ZNF671: variants seen among roughly 807,000 people sequenced by gnomAD.
ZNF671 encodes the protein hypothetical protein FLJ23506.
ZNF671 carries 19 observed loss-of-function variants against 16.6 expected under a neutral mutation model. That is an observed-to-expected ratio of 1.14 (90% CI 0.80 to 1.68). The LOEUF (loss-of-function observed/expected upper bound fraction) is 1.68, where lower values mean the gene tolerates loss of function less well. ZNF671 is among the 40% of genes most tolerant of loss of function. The pLI is 0.00. For synonymous variants in ZNF671, 238 were observed against 236.3 expected, an observed-to-expected ratio of 1.01 and a Z score of -0.06; for missense variants, 637 against 659.8, an observed-to-expected ratio of 0.97 and a Z score of 0.38.
At chr19:57,723,378 C>G in intron 1 of ZNF671, 38 bp from the exon 2 acceptor site, 1 of 1,570,980 alleles carries the variant, frequency 6.4e-7, no homozygotes, top group Non-Finnish European at 8.6e-7. Context: ...TAAAAAGTCT[C>G]TTGACCAATG....
At position 57,721,412 on chromosome 19, in the gene ZNF671, C is replaced by T; in HGVS notation, c.674G>A (p.Gly225Asp). Residue 225 changes from glycine (G) to aspartate (D), a missense_variant, in exon 4 of 4, where the codon GGC becomes GAC. By Grantham distance (94) the Gly-to-Asp change is moderately conservative. Transcript: ENST00000317398. ...TCTGCAGCTTTTCACAGAGTCTCTG[C>T]CCTCCTTCCTTGGGAAAAGTTTCCC... Reference protein sequence around the residue: ...NGGKLFPRKEGRDSVKSCRVH... With the variant: ...NGGKLFPRKEDRDSVKSCRVH... 6.2e-7 allele frequency: 1 copy of T among 1,614,208 alleles called. No homozygotes were observed. The highest frequency in any genetic ancestry group is 1.3e-5 in the African/African-American group (1 of 75,054).
At chr19:57,723,826 C>T (rs1017210192) in intron 1 of ZNF671, among the ~76,000 whole-genome samples, 2 of 144,128 alleles carry the variant, frequency 1.4e-5, no homozygotes, top group East Asian at 2.0e-4. Context: ...GTCAAGAGAG[C>T]GAGACTATCC....
At chr19:57,723,169 T>C (rs373315831) in intron 2 of ZNF671, 45 bp downstream of exon 2, 2 of 1,562,246 alleles carry the variant, frequency 1.3e-6, no homozygotes, top group African/African-American at 1.4e-5. Context: ...GATCCCACCA[T>C]AGGAAGAACA....
intron 1 of ZNF671, among the ~76,000 whole-genome samples, chr19:57,725,369 CAA>C (rs1029156993): frequency 2.6e-5 from 4 of 151,830 alleles, no homozygotes; most frequent in African/African-American, 7.3e-5. Context: ...AGGAGGCAGA[CAA>C]GAGAATTGCT....
At chr19:57,722,244 T>A in intron 3 of ZNF671, 72 bp downstream of exon 3, 1 of 1,585,198 alleles carries the variant, frequency 6.3e-7, no homozygotes, top group Non-Finnish European at 8.6e-7. Context: ...AAACAAACAC[T>A]GATGTGAACA....
At chr19:57,727,204 G>T (rs1216027825) in intron 1 of ZNF671, 187 bp downstream of exon 1, 3 of 698,954 alleles carry the variant, frequency 4.3e-6, no homozygotes, top group African/African-American at 1.8e-5. Flanking sequence ...ATGTTTGGGG[G>T]TCAGCAGCAC....
Position 57,726,406 on chromosome 19 carries a change from G to A in ZNF671, c.138+985C>T, listed in dbSNP as rs373293092. Among the ~76,000 whole-genome samples the A allele has an allele frequency of 7.9e-5, 12 of 151,866 alleles. No individual in the cohort carries two copies. The East Asian group carries it at 1.5e-3, about 20-fold the overall frequency. On this transcript the variant is annotated intron_variant, in intron 1 of 3. Coordinates refer to ENST00000317398, the MANE Select transcript of ZNF671 (RefSeq NM_024833.3). ...TAGTAGCAATAGCACACCACCCATCGTTGCCATCCCAGGCCAAACTCCTCA... is the reference window on the plus strand; with the variant it reads ...TAGTAGCAATAGCACACCACCCATCATTGCCATCCCAGGCCAAACTCCTCA...
intron 3 of ZNF671, 193 bp from the exon 4 acceptor site, chr19:57,721,890 ATG>A: frequency 1.4e-6 from 1 of 733,280 alleles, no homozygotes. Context: ...GGGAGTGCCA[ATG>A]AAGGGCCAGG....
chr19:57,725,594 C>T (rs912328784), intron 1 of ZNF671, among the ~76,000 whole-genome samples: 2 of 151,990 alleles, frequency 1.3e-5, no homozygotes, highest in African/African-American at 2.4e-5. Context: ...CGCCACTGCA[C>T]TCCAGCCTGG....
chr19:57,723,723 C>T (rs934120085), intron 1 of ZNF671, among the ~76,000 whole-genome samples: 1 of 151,950 alleles, frequency 6.6e-6, no homozygotes, highest in Non-Finnish European at 1.5e-5. Context: ...TCCAGCTTCC[C>T]CCCCACCCTA....
intron 3 of ZNF671, 40 bp downstream of exon 3, chr19:57,722,275 AC>A (rs1488300486): frequency 1.2e-6 from 2 of 1,610,470 alleles, no homozygotes; most frequent in Admixed American, 3.4e-5. Context: ...CCAGTTTTGA[AC>A]CCAGCTTTGA....
chr19:57,723,870 A>G (rs2122464170), intron 1 of ZNF671, among the ~76,000 whole-genome samples: 1 of 148,984 alleles, frequency 6.7e-6, no homozygotes, highest in East Asian at 2.0e-4. Flanking sequence ...CTCTACTAAA[A>G]AAAAAAAAAA....
At chr19:57,727,344 G>C (rs1417776148) in intron 1 of ZNF671, 47 bp downstream of exon 1, 2 of 1,551,434 alleles carry the variant, frequency 1.3e-6, no homozygotes, top group Admixed American at 1.8e-5. Context: ...TTTACGATTC[G>C]GAGTCGGAGA....
Position 57,727,483 on chromosome 19 carries a change from G to A in ZNF671, c.46C>T (p.Arg16Trp). 1 of 1,613,210 alleles carries A rather than the reference G, an allele frequency of 6.2e-7. No homozygotes were observed. The highest frequency in any genetic ancestry group is 8.5e-7 in the Non-Finnish European group (1 of 1,179,604). ...CTCGATCGGGGACGCAGGCACTTCC[G>A]TCCCTGCAGAGCATCAGACGCGTCT... ...SRDASDALQG[R>W]KCLRPRSRRL... Residue 16 changes from arginine (R) to tryptophan (W), a missense_variant, in exon 1 of 4, where the codon CGG becomes TGG. By Grantham distance (101) the Arg-to-Trp change is moderately radical. Coordinates refer to ENST00000317398, the MANE Select transcript of ZNF671 (RefSeq NM_024833.3).
At chr19:57,724,097 C>A (rs1349373832) in intron 1 of ZNF671, among the ~76,000 whole-genome samples, 4 of 151,726 alleles carry the variant, frequency 2.6e-5, no homozygotes, top group African/African-American at 9.7e-5. Flanking sequence ...TTGCTCCAAA[C>A]CATCAATGGC....
In ZNF671 at chr19:57,720,163, C is replaced by T. The variant is rs910665804; in HGVS notation, c.*318G>A. 8.7e-6 allele frequency: 3 copies of T among 346,102 alleles called. No homozygotes were observed. Among genetic ancestry groups the T allele is most frequent in the Non-Finnish European group, 1.6e-5 (3 of 186,780 alleles). 21.4% of individuals were successfully genotyped at this position (346,102 alleles called of 1,614,324 possible). A position where few individuals can be genotyped will look rare whatever the true frequency, so the allele number is the denominator to read the frequency against. On this transcript the variant is annotated 3_prime_UTR_variant, in exon 4 of 4. Transcript: ENST00000317398. ...TGCAACACAGCTGCTGAAAGCATCTCACATACTTGACACTCACAGGGAATC... is the reference window on the plus strand; with the variant it reads ...TGCAACACAGCTGCTGAAAGCATCTTACATACTTGACACTCACAGGGAATC...
intron 3 of ZNF671, 25 bp from the exon 4 acceptor site, chr19:57,721,722 A>T: frequency 6.3e-7 from 1 of 1,597,916 alleles, no homozygotes; most frequent in Non-Finnish European, 8.6e-7. Flanking sequence ...AATGCTGATT[A>T]AATGCATATT....
At chr19:57,726,918 T>A (rs1416123388) in intron 1 of ZNF671, 1 of 156,214 alleles carries the variant, frequency 6.4e-6, no homozygotes, top group Non-Finnish European at 1.4e-5. Context: ...CTGCCATTAC[T>A]CTTGGTACAT....
intron 1 of ZNF671, among the ~76,000 whole-genome samples, chr19:57,724,042 CA>C (rs59972380): frequency 0.64 from 80,244 of 124,658 alleles, 25,874 homozygotes; most frequent in African/African-American, 0.86. Context: ...GACTCCATCT[CA>C]AAAAAAAAAA....
Sources: allele counts gnomAD v4.1 joint callset (sites outside exome capture counted in the v4.1 genomes callset), GRCh38; gene constraint gnomAD v4.1.1; transcripts MANE v1.5; gene names NCBI Gene and HGNC (gene_info 2026-07-23, HGNC 2026-07-21).